The following DOP1B variants were observed in gnomAD, a reference collection of about 807,000 sequenced individuals.
DOP1B encodes protein DOP1B.
Under a neutral mutation model 233.5 loss-of-function variants are expected in DOP1B, and 174 were observed. The ratio of observed to expected loss-of-function variants is 0.75; its 90% CI spans 0.66 to 0.85. The LOEUF (loss-of-function observed/expected upper bound fraction) is 0.85, where lower values mean the gene tolerates loss of function less well. Among genes scored for constraint, DOP1B ranks in the 40% least tolerant of loss-of-function variants. The pLI, the probability that DOP1B is intolerant of heterozygous loss-of-function variation, is 0.00. For synonymous variants in DOP1B, 1,190 were observed against 1,185.6 expected, an observed-to-expected ratio of 1.00 and a Z score of -0.08; for missense variants, 2,652 against 2,846.6, an observed-to-expected ratio of 0.93 and a Z score of 1.56.
At position 36,253,819 on chromosome 21, in the gene DOP1B, G is replaced by A. The variant is rs1324355098; in HGVS notation, c.5169G>A (p.Val1723=). The A allele has an allele frequency of 1.2e-6, 2 of 1,613,834 alleles. No homozygotes were observed. The highest frequency in any genetic ancestry group is 1.7e-6 in the Non-Finnish European group (2 of 1,180,008). Residue 1723 remains valine (V), a synonymous_variant, in exon 23 of 37, where the codon GTG becomes GTA. Coordinates refer to ENST00000691173, the MANE Select transcript of DOP1B (RefSeq NM_001320714.2). ...CCCAGCTAACCCTTGTCGACTTGGT[G>A]TGTGCACTCAGCACCCTGCAGACTG... The part of the protein sequence containing the change: ...SASQLTLVDL[V]CALSTLQTDT...
rs143714922 is a variant in DOP1B at position 36,278,075 on chromosome 21, G to A, written c.5813G>A (p.Arg1938His). 3,788 of 1,613,972 alleles carry A rather than the reference G, an allele frequency of 2.3e-3. 160 individuals carry two copies. In the Admixed American group the frequency reaches 0.058, roughly 25 times the overall value. The change falls in exon 29 of 37, where the codon CGC (arginine) becomes CAC (histidine). Residue 1938 changes from arginine (R) to histidine (H), a missense_variant. Around this residue, in one of 3 missense-constraint regions of DOP1B, gnomAD observed 2,617 missense variants for 2,794.3 expected, o/e 0.94. Transcript: ENST00000691173. Reference protein sequence around the residue: ...RLLYYVFPYLRNHSAYNAPSF... With the variant: ...RLLYYVFPYLHNHSAYNAPSF... Reference sequence around the variant, plus strand: ...CTTTACTATGTTTTTCCATACTTACGCAACCACAGGTAACGTCATCTTCGC... The same window carrying A: ...CTTTACTATGTTTTTCCATACTTACACAACCACAGGTAACGTCATCTTCGC...
Position 36,246,497 on chromosome 21 carries a change from G to T in DOP1B, c.4517G>T (p.Gly1506Val). The T allele has an allele frequency of 6.2e-7, 1 of 1,614,114 alleles. No homozygotes were observed. Among genetic ancestry groups the T allele is most frequent in the Non-Finnish European group, 8.5e-7 (1 of 1,180,032 alleles). ...QGLLVSAVVR[G>V]LQPAYGYGMH... ...CTTCTGGTCTCTGCGGTGGTGAGGG[G>T]TCTGCAGCCCGCCTACGGTTACGGC... The change falls in exon 19 of 37, where the codon GGT becomes GTT. Residue 1506 changes from glycine (G) to valine (V), a missense_variant. Coordinates refer to ENST00000691173, the MANE Select transcript of DOP1B (RefSeq NM_001320714.2). This position sits in a 1 kb window ranked among gnomAD's most constrained non-coding sequence, Gnocchi z 5.1.
At chr21:36,211,104 G>C (rs746514705) in intron 5 of DOP1B, among the ~76,000 whole-genome samples, 1 of 152,212 alleles carries the variant, frequency 6.6e-6, no homozygotes, top group Non-Finnish European at 1.5e-5. Context: ...GCAGTTGAAA[G>C]AGCTCTCCTC....
At chr21:36,280,204 G>A (rs1454190979) in intron 30 of DOP1B, 81 bp from the exon 31 acceptor site, 1 of 1,062,416 alleles carries the variant, frequency 9.4e-7, no homozygotes, top group Non-Finnish European at 1.4e-6. Context: ...TATCTTAAGA[G>A]GATATGTTAT....
At chr21:36,219,578 G>T (rs1006473215) in intron 10 of DOP1B, 86 bp downstream of exon 10, 4 of 1,555,182 alleles carry the variant, frequency 2.6e-6, no homozygotes, top group Non-Finnish European at 8.7e-7. Context: ...ACTATAAATT[G>T]TGAAGTGGTA....
chr21:36,232,975 C>T lies in DOP1B; in HGVS notation c.2522C>T (p.Ser841Phe), dbSNP rs1209676004. The T allele has an allele frequency of 1.9e-6, 3 of 1,613,984 alleles. No individual in the cohort carries two copies. Among genetic ancestry groups the T allele is most frequent in the Admixed American group, 1.7e-5 (1 of 59,974 alleles). Residue 841 changes from serine to phenylalanine, a missense_variant, in exon 15 of 37, where the codon TCT (serine) becomes TTT (phenylalanine). Coordinates refer to ENST00000691173, the MANE Select transcript of DOP1B (RefSeq NM_001320714.2). ...GACAAGATGAAACGCTATAAGAGCT[C>T]TGGACACAACCCTTTTTTTGGCAAG... ...IEDKMKRYKSSGHNPFFGKLQ... is the reference protein window; with the variant it reads ...IEDKMKRYKSFGHNPFFGKLQ...
chr21:36,233,248 C>T (rs1307886859), intron 15 of DOP1B, among the ~76,000 whole-genome samples, 173 bp downstream of exon 15: 2 of 152,202 alleles, frequency 1.3e-5, no homozygotes, highest in African/African-American at 4.8e-5. Context: ...GTAACTTTCA[C>T]CCTCCAGGAA....
chr21:36,175,569 G>A (rs139033091), intron 2 of DOP1B, among the ~76,000 whole-genome samples: 10,155 of 151,198 alleles, frequency 0.067, 1,132 homozygotes, highest in African/African-American at 0.23. Context: ...AAGATGGGTG[G>A]ATCACTTGAG....
In DOP1B at chr21:36,288,070, T is replaced by C; in HGVS notation, c.6217T>C (p.Phe2073Leu). Residue 2073 changes from phenylalanine (F) to leucine (L), a missense_variant, in exon 33 of 37, where the codon TTT becomes CTT. Around this residue, in one of 3 missense-constraint regions of DOP1B, gnomAD observed 2,617 missense variants for 2,794.3 expected, o/e 0.94. Transcript: ENST00000691173. ...GACATCCATAGTTGCTGCTCAGATGTTTCTTTTTTTCAGAGTTTTGCTGCT... is the reference window on the plus strand; with the variant it reads ...GACATCCATAGTTGCTGCTCAGATGCTTCTTTTTTTCAGAGTTTTGCTGCT... ...GQTSIVAAQM[F>L]LFFRVLLLRI... 1 of 1,614,162 alleles carries C rather than the reference T, an allele frequency of 6.2e-7. No homozygotes were observed. Among genetic ancestry groups the C allele is most frequent in the Non-Finnish European group, 8.5e-7 (1 of 1,180,034 alleles).
At chr21:36,192,369 C>A (rs1457466351) in intron 2 of DOP1B, among the ~76,000 whole-genome samples, 7 of 145,796 alleles carry the variant, frequency 4.8e-5, no homozygotes, top group Admixed American at 1.4e-4. Context: ...AAAAAAAAAA[C>A]TACCAAAAAC....
At chr21:36,232,293 A>G (rs1601432350) in intron 14 of DOP1B, among the ~76,000 whole-genome samples, 1 of 152,266 alleles carries the variant, frequency 6.6e-6, no homozygotes, top group African/African-American at 2.4e-5. Context: ...AATATTTTAT[A>G]TATTGGTTTG....
intron 10 of DOP1B, among the ~76,000 whole-genome samples, chr21:36,221,811 C>T (rs1019521536): frequency 5.3e-5 from 8 of 152,078 alleles, no homozygotes; most frequent in Non-Finnish European, 8.8e-5. Context: ...TTCCTGACCT[C>T]GTGATCCACC....
chr21:36,239,896 TG>T lies in DOP1B; in HGVS notation c.3009del (p.Leu1004CysfsTer53). On this transcript the variant is annotated frameshift_variant, in exon 18 of 37. Transcript: ENST00000691173. LOFTEE classifies it high-confidence loss of function. ...ATCCTCGAACCCGTGCTCCTGCTGC[TG>T]CTGCAGCCAAAAACCCAGAGAACCT... ...ARILEPVLLL[L>X]LQPKTQRTSI... 1 of 1,608,958 alleles carries T rather than the reference TG, an allele frequency of 6.2e-7. No homozygotes were observed. The highest frequency in any genetic ancestry group is 8.5e-7 in the Non-Finnish European group (1 of 1,178,910).
At chr21:36,212,691 T>C (rs2066513910) in intron 7 of DOP1B, among the ~76,000 whole-genome samples, 1 of 152,208 alleles carries the variant, frequency 6.6e-6, no homozygotes, top group African/African-American at 2.4e-5. Flanking sequence ...GTTCATGAAT[T>C]TTCTAAAGTC....
intron 2 of DOP1B, among the ~76,000 whole-genome samples, chr21:36,165,527 G>T (rs566267662): frequency 1.3e-5 from 2 of 152,032 alleles, no homozygotes. Flanking sequence ...CCCCCAGGCC[G>T]CTGACCGGTA....
intron 4 of DOP1B, among the ~76,000 whole-genome samples, chr21:36,207,512 T>C (rs1050360671): frequency 7.1e-6 from 1 of 141,300 alleles, no homozygotes; most frequent in Non-Finnish European, 1.5e-5. Flanking sequence ...TTTTTTTTTT[T>C]TTTTTTTGAG....
chr21:36,245,480 C>G lies in DOP1B; in HGVS notation c.3500C>G (p.Ser1167Ter). The G allele has an allele frequency of 6.2e-7, 1 of 1,613,822 alleles. No homozygotes were observed. The highest frequency in any genetic ancestry group is 8.5e-7 in the Non-Finnish European group (1 of 1,180,040). ...KRSALLAAFQSESFKAGAKLS... is the reference protein window; with the variant it reads ...KRSALLAAFQ ...TCGGCCCTGCTGGCGGCCTTCCAGT[C>G]AGAAAGCTTCAAGGCTGGGGCCAAG... is the stretch of plus-strand genomic sequence containing the variant. The change falls in exon 19 of 37, where the codon TCA (serine) becomes TGA (stop). Residue 1167 changes from serine to a stop codon, truncating the protein, a stop_gained. Transcript: ENST00000691173. LOFTEE classifies it high-confidence loss of function. The surrounding 1 kb of genome is among the most constrained non-coding windows in gnomAD (Gnocchi z 5.5).
Position 36,257,709 on chromosome 21 carries a change from TGTAGGTAG to T in DOP1B, c.5260-2955_5260-2948del, listed in dbSNP as rs147594587. On this transcript the variant is annotated intron_variant, in intron 23 of 36. Coordinates refer to ENST00000691173, the MANE Select transcript of DOP1B (RefSeq NM_001320714.2). ...GTAGGTAGGTAGGTAGAGAGATGGA[TGTAGGTAG>T]GTAGGTAGGTAGATAGATGTAGGTA... Among the ~76,000 whole-genome samples the T allele has an allele frequency of 2.2e-5, 3 of 137,976 alleles. 1 individual carries two copies. In the South Asian group the frequency reaches 7.2e-4, roughly 33 times the overall value. The allele number at this position is 137,976 out of a possible 152,430, so 90.5% of individuals were successfully genotyped here.
chr21:36,167,929 CT>C (rs1568996068), intron 2 of DOP1B, among the ~76,000 whole-genome samples: 3 of 97,314 alleles, frequency 3.1e-5, no homozygotes, highest in East Asian at 2.7e-4. Context: ...CTTTTCTTTT[CT>C]TTTCTTTTTC....
Sources: gnomAD v4.1 joint callset for allele counts (sites outside exome capture counted in the v4.1 genomes callset) on GRCh38, gnomAD v4.1.1 for gene constraint, gnomAD v4.1.1 regional missense constraint, Gnocchi (gnomAD v3.1) non-coding constraint, MANE v1.5 for transcripts, NCBI Gene and HGNC (gene_info 2026-07-23, HGNC 2026-07-21) for gene names.